The following MGAT4C variants were observed in gnomAD, a reference collection of about 807,000 sequenced individuals.
MGAT4C encodes the protein alpha-1,3-mannosyl-glycoprotein 4-beta-N-acetylglucosaminyltransferase C.
Under a neutral mutation model 40.1 loss-of-function variants are expected in MGAT4C, and 19 were observed. The ratio of observed to expected loss-of-function variants is 0.47; its 90% CI spans 0.33 to 0.70. The LOEUF (loss-of-function observed/expected upper bound fraction) is 0.70, where lower values mean the gene tolerates loss of function less well. MGAT4C is among the 30% of genes least tolerant of loss of function. MGAT4C has a pLI of 0.02. For missense variants in MGAT4C, 491 were observed against 563.2 expected (o/e 0.87, Z 1.30); for synonymous variants, 181 against 187.1 (o/e 0.97, Z 0.27).
At chr12:86,075,785 G>A (rs1869577998) in intron 1 of MGAT4C, among the ~76,000 whole-genome samples, 1 of 152,160 alleles carries the variant, frequency 6.6e-6, no homozygotes, top group Non-Finnish European at 1.5e-5. Flanking sequence ...GCTCTGTGTT[G>A]CCCCCTTTCA....
chr12:86,394,603 A>T (rs1290170809), intron 3 of MGAT4C, among the ~76,000 whole-genome samples: 1 of 126,560 alleles, frequency 7.9e-6, no homozygotes, highest in African/African-American at 2.7e-5. Context: ...TATATATTTT[A>T]TATATATATA....
chr12:86,260,282 C>A (rs897630649), upstream of MGAT4C, among the ~76,000 whole-genome samples: 11 of 152,060 alleles, frequency 7.2e-5, no homozygotes, highest in East Asian at 1.9e-4. Context: ...ATTGTTTCAA[C>A]CCCTTGCTCC....
intron 3 of MGAT4C, among the ~76,000 whole-genome samples, chr12:86,394,284 A>G (rs1956208037): frequency 6.6e-6 from 1 of 151,972 alleles, no homozygotes. Context: ...ATACTAATGG[A>G]TGAAATAGAT....
At chr12:86,663,353 CAAA>C (rs58562873) in intron 2 of MGAT4C, among the ~76,000 whole-genome samples, 3,869 of 44,430 alleles carry the variant, frequency 0.087, 42 homozygotes, top group Non-Finnish European at 0.12. Context: ...TCCTCTGTCT[CAAA>C]AAAAAAAAAA....
At chr12:86,523,475 A>G (rs917010619) in intron 2 of MGAT4C, among the ~76,000 whole-genome samples, 3 of 152,102 alleles carry the variant, frequency 2.0e-5, no homozygotes, top group African/African-American at 7.2e-5. Flanking sequence ...TGATTTCAGT[A>G]CTTCTGCATT....
intron 1 of MGAT4C, among the ~76,000 whole-genome samples, chr12:86,802,036 C>A (rs1025094294): frequency 1.3e-5 from 2 of 151,864 alleles, no homozygotes; most frequent in Non-Finnish European, 2.9e-5. Flanking sequence ...CTATTAGGAA[C>A]TTGTCATGGT....
chr12:86,400,431 GGACCATTCTCTTTAAAGAAAGAGGTA>G (rs1255444175), intron 3 of MGAT4C, among the ~76,000 whole-genome samples: 1 of 151,992 alleles, frequency 6.6e-6, no homozygotes, highest in Non-Finnish European at 1.5e-5. Context: ...GGTAACTTTT[GGACCATTCTCTTTAAAGAAAGAGGTA>G]GACGATTTTC....
chr12:86,259,910 CT>C (rs1323723418), upstream of MGAT4C, among the ~76,000 whole-genome samples: 23 of 5,236 alleles, frequency 4.4e-3, no homozygotes, highest in East Asian at 0.22. Context: ...TTGTTTTTTC[CT>C]TTTTTTGAAC....
intron 2 of MGAT4C, among the ~76,000 whole-genome samples, chr12:86,658,421 T>C (rs1963900128): frequency 1.3e-5 from 2 of 152,096 alleles, no homozygotes; most frequent in Non-Finnish European, 1.5e-5. Flanking sequence ...TCCTCTTGTC[T>C]ATTTGAATCA....
chr12:86,008,021 T>C (rs1888072749), intron 2 of MGAT4C, among the ~76,000 whole-genome samples: 1 of 140,490 alleles, frequency 7.1e-6, no homozygotes, highest in African/African-American at 2.5e-5. Context: ...GGTATATGTC[T>C]CTATTTATTT....
At chr12:86,142,031 C>T (rs1449529527) in intron 1 of MGAT4C, among the ~76,000 whole-genome samples, 1 of 152,052 alleles carries the variant, frequency 6.6e-6, no homozygotes, top group Non-Finnish European at 1.5e-5. Context: ...TATGAGGAAA[C>T]AGTAATTCTA....
intron 2 of MGAT4C, among the ~76,000 whole-genome samples, chr12:86,672,269 G>C (rs542619718): frequency 6.6e-6 from 1 of 152,102 alleles, no homozygotes; most frequent in South Asian, 2.1e-4. Context: ...AAAATCAATA[G>C]GATACAGAGA....
chr12:86,272,844 C>A (rs1426095337), intron 4 of MGAT4C, among the ~76,000 whole-genome samples: 2 of 151,988 alleles, frequency 1.3e-5, no homozygotes, highest in African/African-American at 4.8e-5. Context: ...CAAAGTGAGA[C>A]CCTGTCTCAA....
chr12:86,131,605 A>G lies in MGAT4C; in HGVS notation c.-56-81882T>C, dbSNP rs11103861. 5.0e-3 allele frequency among the ~76,000 whole-genome samples: 761 copies of G among 152,176 alleles called. 7 individuals carry two copies. Among genetic ancestry groups the G allele is most frequent in the African/African-American group, 0.017 (725 of 41,554 alleles). On this transcript the variant is annotated intron_variant, in intron 1 of 4. Coordinates refer to ENST00000611864, the MANE Select transcript of MGAT4C (RefSeq NM_001351288.2). ...TGTCTTGAGAAAAATGTGCTAAAAT[A>G]TTTTAATGAATTTTTACTGGCTTTA...
intron 1 of MGAT4C, among the ~76,000 whole-genome samples, chr12:86,200,899 C>G (rs1177009297): frequency 1.3e-5 from 2 of 152,246 alleles, no homozygotes; most frequent in Admixed American, 6.5e-5. Flanking sequence ...CTTTCTCTTT[C>G]TGAACAGGCA....
intron 1 of MGAT4C, among the ~76,000 whole-genome samples, chr12:86,123,155 T>C (rs1879701569): frequency 6.6e-6 from 1 of 152,170 alleles, no homozygotes; most frequent in South Asian, 2.1e-4. Context: ...TCAAGATTTC[T>C]TTGTGAATGG....
At chr12:86,121,843 T>C (rs1422933994) in intron 1 of MGAT4C, among the ~76,000 whole-genome samples, 1 of 152,128 alleles carries the variant, frequency 6.6e-6, no homozygotes, top group African/African-American at 2.4e-5. Flanking sequence ...TAACCAATTG[T>C]TCCCATTTAA....
chr12:86,136,477 G>A (rs1345414448), intron 1 of MGAT4C, among the ~76,000 whole-genome samples: 1 of 152,140 alleles, frequency 6.6e-6, no homozygotes, highest in Admixed American at 6.5e-5. Flanking sequence ...ATCTATAAGT[G>A]TGTCCTTTGA....
At chr12:86,777,182 AG>A (rs1941297017) in intron 1 of MGAT4C, among the ~76,000 whole-genome samples, 2 of 152,196 alleles carry the variant, frequency 1.3e-5, no homozygotes, top group South Asian at 4.1e-4. Flanking sequence ...ATAAAATTTT[AG>A]GTATTTATAT....
Sources: allele counts gnomAD v4.1 joint callset (sites outside exome capture counted in the v4.1 genomes callset), GRCh38; gene constraint gnomAD v4.1.1; transcripts MANE v1.5; gene names NCBI Gene and HGNC (gene_info 2026-07-23, HGNC 2026-07-21).